Variants in HORMAD2 observed in about 807,000 individuals in gnomAD.
HORMAD2 encodes HORMA domain-containing protein 2.
HORMAD2 carries 45 observed loss-of-function variants against 38.8 expected under a neutral mutation model. That is an observed-to-expected ratio of 1.16 (90% CI 0.91 to 1.49). HORMAD2 has a LOEUF of 1.49. Ranked by LOEUF, HORMAD2 falls within the 40% of genes most tolerant of loss-of-function variation. The pLI is 0.00. For missense variants in HORMAD2, 338 were observed against 367.0 expected, an observed-to-expected ratio of 0.92 and a Z score of 0.65; for synonymous variants, 126 against 122.8, an observed-to-expected ratio of 1.03 and a Z score of -0.17.
At chr22:30,089,213 TCCTTG>T (rs1177397522) in intron 1 of HORMAD2, among the ~76,000 whole-genome samples, 2 of 152,324 alleles carry the variant, frequency 1.3e-5, no homozygotes, top group African/African-American at 4.8e-5. Flanking sequence ...TCACAGGCTA[TCCTTG>T]GTGATCCAGA....
intron 1 of HORMAD2, among the ~76,000 whole-genome samples, chr22:30,091,071 A>G (rs1038028884): frequency 1.3e-5 from 2 of 152,128 alleles, no homozygotes; most frequent in Non-Finnish European, 2.9e-5. Flanking sequence ...GAGTGAGAAC[A>G]CATGGTATTT....
At chr22:30,163,192 T>C (rs1394678157) in intron 10 of HORMAD2, among the ~76,000 whole-genome samples, 1 of 152,184 alleles carries the variant, frequency 6.6e-6, no homozygotes, top group African/African-American at 2.4e-5. Context: ...TTTATATTGA[T>C]GAACATTTAA....
intron 2 of HORMAD2, among the ~76,000 whole-genome samples, chr22:30,097,838 A>G (rs751532183): frequency 2.6e-5 from 4 of 152,256 alleles, no homozygotes; most frequent in Non-Finnish European, 4.4e-5. Flanking sequence ...AAGAATCGTT[A>G]GCAAAGAGAT....
At chr22:30,181,842 A>G (rs1356994503), downstream of HORMAD2, among the ~76,000 whole-genome samples, 1 of 152,216 alleles carries the variant, frequency 6.6e-6, no homozygotes, top group Non-Finnish European at 1.5e-5. Context: ...TTTTGATAGC[A>G]ATGAAAACTG....
At chr22:30,135,328 A>T (rs1224150798) in intron 10 of HORMAD2, among the ~76,000 whole-genome samples, 1 of 151,850 alleles carries the variant, frequency 6.6e-6, no homozygotes, top group East Asian at 1.9e-4. Context: ...GACAGAAGAA[A>T]AGTGAGACCA....
At chr22:30,085,823 T>C (rs995103484) in intron 1 of HORMAD2, among the ~76,000 whole-genome samples, 3 of 152,218 alleles carry the variant, frequency 2.0e-5, no homozygotes, top group Non-Finnish European at 4.4e-5. Flanking sequence ...GACACAATTT[T>C]GCTCTCATGT....
intron 10 of HORMAD2, among the ~76,000 whole-genome samples, chr22:30,139,101 T>C (rs1248727111): frequency 6.6e-6 from 1 of 151,820 alleles, no homozygotes; most frequent in Non-Finnish European, 1.5e-5. Context: ...CCTGGGTCTC[T>C]AGCCTGTTGG....
chr22:30,118,286 G>T (rs1405761480), intron 7 of HORMAD2, among the ~76,000 whole-genome samples: 2 of 151,970 alleles, frequency 1.3e-5, no homozygotes, highest in Non-Finnish European at 2.9e-5. Flanking sequence ...GACCCTAGAA[G>T]AGGCATCCCT....
At chr22:30,081,238 T>C (rs1246698556) in intron 1 of HORMAD2, 1 of 152,192 alleles carries the variant, frequency 6.6e-6, no homozygotes, top group Non-Finnish European at 1.5e-5. Context: ...TTCTCCTCCA[T>C]TGGACCATCA....
At chr22:30,091,099 T>A (rs2068673471) in intron 1 of HORMAD2, among the ~76,000 whole-genome samples, 1 of 152,160 alleles carries the variant, frequency 6.6e-6, no homozygotes, top group Non-Finnish European at 1.5e-5. Flanking sequence ...TGTACTTGAC[T>A]TACTTCACTT....
intron 4 of HORMAD2, 86 bp from the exon 5 acceptor site, chr22:30,104,310 TCAAAG>T: frequency 1.0e-6 from 1 of 999,118 alleles, no homozygotes. Flanking sequence ...TTAATGTACA[TCAAAG>T]CAAAAAGTGC....
At chr22:30,082,950 C>A (rs2068510689) in intron 1 of HORMAD2, among the ~76,000 whole-genome samples, 2 of 152,060 alleles carry the variant, frequency 1.3e-5, no homozygotes, top group East Asian at 3.9e-4. Context: ...GATCATAATC[C>A]TTGTCACAAA....
downstream of HORMAD2, among the ~76,000 whole-genome samples, chr22:30,181,992 C>T (rs753821363): frequency 1.6e-4 from 25 of 152,210 alleles, no homozygotes; most frequent in Non-Finnish European, 3.2e-4. Context: ...CTCAGTGACA[C>T]TTCTATAAAT....
chr22:30,128,641 G>A (rs1349376805), intron 10 of HORMAD2, among the ~76,000 whole-genome samples: 1 of 152,110 alleles, frequency 6.6e-6, no homozygotes, highest in Non-Finnish European at 1.5e-5. Flanking sequence ...CAAATGAGTA[G>A]TACCAAATCA....
chr22:30,164,732 G>A (rs377105498), intron 10 of HORMAD2, among the ~76,000 whole-genome samples: 5 of 152,080 alleles, frequency 3.3e-5, no homozygotes, highest in East Asian at 1.9e-4. Context: ...GGGCTCAGGC[G>A]ATCCTCCTGC....
At chr22:30,085,888 G>A (rs950779220) in intron 1 of HORMAD2, among the ~76,000 whole-genome samples, 1 of 152,232 alleles carries the variant, frequency 6.6e-6, no homozygotes, top group Non-Finnish European at 1.5e-5. Context: ...AGTATATATT[G>A]CAAAGGGCAC....
At chr22:30,148,951 C>A (rs567150482) in intron 10 of HORMAD2, among the ~76,000 whole-genome samples, 2 of 152,184 alleles carry the variant, frequency 1.3e-5, no homozygotes, top group South Asian at 4.1e-4. Flanking sequence ...TGCACTCCAG[C>A]CTGGGTGACA....
chr22:30,091,388 C>T (rs1322263557), intron 1 of HORMAD2, among the ~76,000 whole-genome samples: 1 of 151,372 alleles, frequency 6.6e-6, no homozygotes. Context: ...ACCTTAGCTT[C>T]CCAAGTAGCT....
intron 1 of HORMAD2, among the ~76,000 whole-genome samples, chr22:30,082,545 C>T (rs565325495): frequency 4.6e-5 from 7 of 152,094 alleles, no homozygotes; most frequent in African/African-American, 1.7e-4. Flanking sequence ...AATCCCAAAA[C>T]TTTGAGAGGC....
Sources: allele counts gnomAD v4.1 joint callset (sites outside exome capture counted in the v4.1 genomes callset), GRCh38; gene constraint gnomAD v4.1.1; transcripts MANE v1.5; gene names NCBI Gene and HGNC (gene_info 2026-07-23, HGNC 2026-07-21).